The following BLTP1 variants were observed in gnomAD, a reference collection of about 807,000 sequenced individuals.
The protein encoded by BLTP1 is fragile site-associated protein.
chr4:122,183,200 G>T, the BLTP1 span: 1 of 359,148 alleles, frequency 2.8e-6, no homozygotes. Flanking sequence ...GCCAGACATG[G>T]TGACACGTGC....
the BLTP1 span, chr4:122,256,063 A>T: frequency 2.0e-6 from 2 of 983,908 alleles, no homozygotes; most frequent in African/African-American, 1.7e-5. Context: ...GCCTCTGGAA[A>T]AGCAGATAAC....
chr4:122,185,314 TA>T, the BLTP1 span: 2 of 982,762 alleles, frequency 2.0e-6, no homozygotes, highest in Non-Finnish European at 2.4e-6. Flanking sequence ...ATAGAGGTTA[TA>T]AAAAAGAGGT....
At chr4:122,288,941 A>C in the BLTP1 span, 3 of 968,088 alleles carry the variant, frequency 3.1e-6, no homozygotes, top group South Asian at 5.7e-5. Flanking sequence ...AGGAACGCTG[A>C]ATATTTTTAA....
chr4:122,171,649 T>G, the BLTP1 span: 9 of 179,114 alleles, frequency 5.0e-5, no homozygotes, highest in Admixed American at 6.6e-5. Context: ...AGGTTTTTTT[T>G]TTTTTTTTTT....
At chr4:122,344,987 T>G in the BLTP1 span, 7 of 984,604 alleles carry the variant, frequency 7.1e-6, no homozygotes, top group Middle Eastern at 5.2e-4. Context: ...TCTATATAAC[T>G]ATGGGCAAGT....
chr4:122,350,303 A>G, the BLTP1 span: 2 of 985,378 alleles, frequency 2.0e-6, no homozygotes, highest in Non-Finnish European at 2.4e-6. Context: ...GTGCATCTGC[A>G]TCCATACCCA....
At chr4:122,315,457 A>C in the BLTP1 span, 12 of 1,613,902 alleles carry the variant, frequency 7.4e-6, no homozygotes, top group Non-Finnish European at 9.3e-6. Flanking sequence ...TCTTTATTTA[A>C]ACAGAAAGCA....
the BLTP1 span, chr4:122,324,511 C>G: frequency 1.2e-6 from 2 of 1,610,324 alleles, no homozygotes; most frequent in Non-Finnish European, 1.7e-6. Flanking sequence ...TGGAAGACCA[C>G]CTCTTAAGCG....
the BLTP1 span, chr4:122,235,333 A>G: frequency 2.0e-6 from 2 of 983,190 alleles, no homozygotes; most frequent in African/African-American, 3.5e-5. Context: ...ATCCAGATAA[A>G]TACTTAGGAA....
chr4:122,255,818 C>T, the BLTP1 span, among the ~76,000 whole-genome samples: 1 of 151,670 alleles, frequency 6.6e-6, no homozygotes, highest in Admixed American at 6.6e-5. Flanking sequence ...TGAAGAAAGC[C>T]AAAATTAAAG....
At chr4:122,250,327 C>G in the BLTP1 span, 2 of 1,552,954 alleles carry the variant, frequency 1.3e-6, no homozygotes, top group Non-Finnish European at 1.8e-6. Context: ...CACTTATTCA[C>G]CATTTATAAT....
At chr4:122,209,249 A>G in the BLTP1 span, 1 of 1,613,336 alleles carries the variant, frequency 6.2e-7, no homozygotes, top group Non-Finnish European at 8.5e-7. Flanking sequence ...CCATCCAAAT[A>G]AGATGATTCA....
chr4:122,263,601 G>T, the BLTP1 span: 1 of 1,580,588 alleles, frequency 6.3e-7, no homozygotes, highest in South Asian at 1.1e-5. Context: ...CTTCCCACAG[G>T]TATTGAGTTA....
the BLTP1 span, among the ~76,000 whole-genome samples, chr4:122,322,016 G>T: frequency 8.4e-4 from 8 of 9,522 alleles, no homozygotes; most frequent in Non-Finnish European, 1.3e-3. Flanking sequence ...TTTTTTTTTT[G>T]GCATTTATCC....
At chr4:122,319,386 C>T in the BLTP1 span, among the ~76,000 whole-genome samples, 117 of 151,816 alleles carry the variant, frequency 7.7e-4, no homozygotes, top group Non-Finnish European at 1.2e-3. Context: ...TTTGCTGTGT[C>T]GCACTAATTT....
the BLTP1 span, chr4:122,172,908 G>A: frequency 6.5e-7 from 1 of 1,540,064 alleles, no homozygotes; most frequent in Non-Finnish European, 8.7e-7. Flanking sequence ...TATGAATGAA[G>A]AAGAGGAAGA....
the BLTP1 span, chr4:122,349,151 T>C: frequency 6.2e-7 from 1 of 1,600,604 alleles, no homozygotes; most frequent in African/African-American, 1.3e-5. This position sits in a 1 kb window ranked among gnomAD's most constrained non-coding sequence, Gnocchi z 4.5. Context: ...TTTTTTTCAT[T>C]TTTTAGTTGG....
the BLTP1 span, chr4:122,305,771 A>G: frequency 7.3e-7 from 1 of 1,362,488 alleles, no homozygotes; most frequent in Non-Finnish European, 9.6e-7. Flanking sequence ...AATTTGAGAA[A>G]AATGTATTAT....
At chr4:122,269,572 G>T in the BLTP1 span, 1 of 985,230 alleles carries the variant, frequency 1.0e-6, no homozygotes, top group African/African-American at 1.7e-5. Flanking sequence ...TTTATTTGGA[G>T]ACCTTCACCG....
Sources: allele counts gnomAD v4.1 joint callset (sites outside exome capture counted in the v4.1 genomes callset), GRCh38; gene constraint gnomAD v4.1.1; non-coding constraint Gnocchi (gnomAD v3.1); transcripts MANE v1.5; gene names NCBI Gene and HGNC (gene_info 2026-07-23, HGNC 2026-07-21).